Variants in HNRNPM observed in about 807,000 individuals in gnomAD.
The protein encoded by HNRNPM is CEA receptor.
HNRNPM carries 11 observed loss-of-function variants against 73.1 expected under a neutral mutation model. The ratio of observed to expected loss-of-function variants is 0.15; its 90% CI spans 0.09 to 0.25. The LOEUF (loss-of-function observed/expected upper bound fraction) is 0.25, where lower values mean the gene tolerates loss of function less well. Among genes scored for constraint, HNRNPM ranks in the 10% least tolerant of loss-of-function variants. The pLI, the probability that HNRNPM is intolerant of heterozygous loss-of-function variation, is 1.00. For synonymous variants in HNRNPM, 407 were observed against 355.2 expected, an observed-to-expected ratio of 1.15 and a Z score of -1.64; for missense variants, 789 against 1,067.9, an observed-to-expected ratio of 0.74 and a Z score of 3.64.
In HNRNPM at chr19:8,462,437, C is replaced by G. The variant is rs1311029580; in HGVS notation, c.284-92C>G. On this transcript the variant is annotated intron_variant, in intron 2 of 15. Coordinates refer to ENST00000325495, the MANE Select transcript of HNRNPM (RefSeq NM_005968.5). The surrounding 1 kb of genome is among the most constrained non-coding windows in gnomAD (Gnocchi z 4.5). ...TGGGCTTTCTTATAAGGCAGAGGCT[C>G]CATACAAGGTTGCTGATGATTGTTC... 3.9e-6 allele frequency: 4 copies of G among 1,032,184 alleles called. No individual in the cohort carries two copies. The African/African-American group carries it at 4.7e-5, about 12-fold the overall frequency. 63.9% of individuals were successfully genotyped at this position (1,032,184 alleles called of 1,614,324 possible).
intron 1 of HNRNPM, chr19:8,445,409 G>A: frequency 3.5e-6 from 1 of 288,510 alleles, no homozygotes; most frequent in Non-Finnish European, 6.4e-6. Flanking sequence ...TGATGGCGCG[G>A]GCCCGGACCG....
intron 1 of HNRNPM, among the ~76,000 whole-genome samples, chr19:8,447,467 T>C (rs1968280330): frequency 6.6e-6 from 1 of 152,090 alleles, no homozygotes; most frequent in South Asian, 2.1e-4. Flanking sequence ...CGCCACCTGC[T>C]GGGGGCAGGG....
chr19:8,453,235 G>A (rs1464346068), intron 1 of HNRNPM, among the ~76,000 whole-genome samples: 4 of 152,240 alleles, frequency 2.6e-5, no homozygotes, highest in Middle Eastern at 6.8e-3. Flanking sequence ...TCCGCCCCCC[G>A]GGTTCAAGCG....
At chr19:8,474,953 G>A (rs1297890471) in intron 12 of HNRNPM, among the ~76,000 whole-genome samples, 2 of 152,166 alleles carry the variant, frequency 1.3e-5, no homozygotes, top group Non-Finnish European at 2.9e-5. Context: ...GACTTCATGT[G>A]ATCCGCCCGC....
intron 1 of HNRNPM, 91 bp from the exon 2 acceptor site, chr19:8,455,313 TG>T: frequency 9.0e-7 from 1 of 1,113,486 alleles, no homozygotes. Context: ...TAACTTTGTG[TG>T]GAATTGTAAA....
In HNRNPM at chr19:8,477,732, C is replaced by G. The variant is rs1408483125; in HGVS notation, c.1120+3488C>G. On this transcript the variant is annotated intron_variant, in intron 12 of 15. Coordinates refer to ENST00000325495, the MANE Select transcript of HNRNPM (RefSeq NM_005968.5). ...TATGAGAAAGTTGTGACCCAAACCC[C>G]GTTATGTAGATGCAGCCACTGCAGT... is the stretch of plus-strand genomic sequence containing the variant. 3.3e-5 allele frequency among the ~76,000 whole-genome samples: 5 copies of G among 151,006 alleles called. No homozygotes were observed. In the South Asian group the frequency reaches 6.2e-4, roughly 19 times the overall value.
chr19:8,474,937 A>G (rs953049295), intron 12 of HNRNPM, among the ~76,000 whole-genome samples: 1 of 151,746 alleles, frequency 6.6e-6, no homozygotes, highest in East Asian at 1.9e-4. Context: ...CTGGCCTCGA[A>G]CTCCTGACTT....
At position 8,483,143 on chromosome 19, in the gene HNRNPM, T is replaced by C. The variant is rs754829330; in HGVS notation, c.1121-15T>C. On this transcript the variant is annotated splice_polypyrimidine_tract_variant and intron_variant, in intron 12 of 15. Transcript: ENST00000325495. ...AGGAATTTGGCTAATTTTTTTTTCT[T>C]CCTGATTTCCTTAGAAATCCTAAGT... The C allele has an allele frequency of 1.9e-6, 3 of 1,596,060 alleles. No individual in the cohort carries two copies. Among genetic ancestry groups the C allele is most frequent in the Admixed American group, 3.5e-5 (2 of 57,890 alleles).
intron 12 of HNRNPM, among the ~76,000 whole-genome samples, chr19:8,477,167 C>G (rs983010211): frequency 3.3e-5 from 5 of 152,134 alleles, no homozygotes; most frequent in Admixed American, 3.3e-4. Context: ...TAACTAGATT[C>G]TTCAAGGCCC....
chr19:8,484,665 G>A (rs996714512), intron 13 of HNRNPM, among the ~76,000 whole-genome samples: 1 of 152,230 alleles, frequency 6.6e-6, no homozygotes, highest in Non-Finnish European at 1.5e-5. Context: ...GCCAGTTAGA[G>A]AAACTGCCCA....
chr19:8,448,040 A>AAC (rs879503747), intron 1 of HNRNPM, among the ~76,000 whole-genome samples: 7 of 152,142 alleles, frequency 4.6e-5, no homozygotes, highest in African/African-American at 7.2e-5. Flanking sequence ...CAAACAAACA[A>AAC]ACAAGAACAC....
intron 1 of HNRNPM, among the ~76,000 whole-genome samples, chr19:8,453,501 G>A (rs1017769095): frequency 3.3e-5 from 5 of 152,070 alleles, no homozygotes; most frequent in Non-Finnish European, 5.9e-5. Flanking sequence ...TTTCTTCCAC[G>A]GAAGAAAGTT....
At chr19:8,453,073 C>G (rs1341173723) in intron 1 of HNRNPM, among the ~76,000 whole-genome samples, 2 of 152,150 alleles carry the variant, frequency 1.3e-5, no homozygotes, top group African/African-American at 4.8e-5. Flanking sequence ...AAGTAAGATT[C>G]TCCTGCCTTG....
rs187357527 is a variant in HNRNPM at position 8,471,471 on chromosome 19, A to G, written c.997+44A>G. On this transcript the variant is annotated intron_variant, in intron 10 of 15. Coordinates refer to ENST00000325495, the MANE Select transcript of HNRNPM (RefSeq NM_005968.5). ...CTTGCTTGGTGGTTTGGGGAAGTGA[A>G]AATTATTAATTATTGGGACAACTGG... 27 of 1,238,678 alleles carry G rather than the reference A, an allele frequency of 2.2e-5. No homozygotes were observed. The East Asian group carries it at 6.1e-4, about 28-fold the overall frequency. 76.7% of individuals were successfully genotyped at this position (1,238,678 alleles called of 1,614,324 possible).
chr19:8,477,591 G>A (rs2145723033), intron 12 of HNRNPM, among the ~76,000 whole-genome samples: 1 of 149,466 alleles, frequency 6.7e-6, no homozygotes, highest in South Asian at 2.1e-4. Context: ...GGTCGAGGCT[G>A]CAGTGAAGCA....
At chr19:8,466,448 T>C in intron 7 of HNRNPM, 60 bp downstream of exon 7, 2 of 1,522,526 alleles carry the variant, frequency 1.3e-6, no homozygotes, top group Admixed American at 3.4e-5. Flanking sequence ...GTGTTAGTAA[T>C]GTAGGTTTGT....
At chr19:8,447,166 GAGGCTCAA>G (rs1968246540) in intron 1 of HNRNPM, among the ~76,000 whole-genome samples, 1 of 152,106 alleles carries the variant, frequency 6.6e-6, no homozygotes, top group African/African-American at 2.4e-5. Context: ...TTGTGAGAAA[GAGGCTCAA>G]AGTCTCAAAG....
rs1158393415 is a variant in HNRNPM, at chr19:8,473,224, CAGA to C, written c.998-437_998-435del. ...TGCCACTGCATTCCAGCCCCAGTGA[CAGA>C]AGGAGACCCTGTCTCAAAAACAAAA... On this transcript the variant is annotated intron_variant, in intron 10 of 15. Transcript: ENST00000325495. Among the ~76,000 whole-genome samples the C allele has an allele frequency of 2.6e-5, 4 of 152,070 alleles. No homozygotes were observed. In the East Asian group the frequency reaches 5.8e-4, roughly 22 times the overall value.
rs1272803918 is a variant in HNRNPM at position 8,464,329 on chromosome 19, GT to G, written c.438+650del. 2.0e-5 allele frequency among the ~76,000 whole-genome samples: 3 copies of G among 152,114 alleles called. No homozygotes were observed. In the South Asian group the frequency reaches 6.2e-4, roughly 31 times the overall value. On this transcript the variant is annotated intron_variant, in intron 5 of 15. Coordinates refer to ENST00000325495, the MANE Select transcript of HNRNPM (RefSeq NM_005968.5). ...TCAAATATATTCCTTGAGGAAGAAGGTTTTTTTGTTGATTAAATCCCTCTTG... is the reference window on the plus strand; with the variant it reads ...TCAAATATATTCCTTGAGGAAGAAGGTTTTTTGTTGATTAAATCCCTCTTG...
Sources: gnomAD v4.1 joint callset for allele counts (sites outside exome capture counted in the v4.1 genomes callset) on GRCh38, gnomAD v4.1.1 for gene constraint, Gnocchi (gnomAD v3.1) non-coding constraint, MANE v1.5 for transcripts, NCBI Gene and HGNC (gene_info 2026-07-23, HGNC 2026-07-21) for gene names.